Variants in ANKRD6 observed in about 807,000 individuals in gnomAD.
ANKRD6 encodes ankyrin repeat domain-containing protein 6.
A neutral mutation model predicts 82.3 loss-of-function variants in ANKRD6; 56 were observed. The observed-to-expected ratio is 0.68, with a 90% CI of 0.55 to 0.85. ANKRD6 has a LOEUF of 0.85. Among genes scored for constraint, ANKRD6 ranks in the 40% least tolerant of loss-of-function variants. The pLI, the probability that ANKRD6 is intolerant of heterozygous loss-of-function variation, is 0.00. For synonymous variants in ANKRD6, 347 were observed against 352.1 expected (o/e 0.99, Z 0.16); for missense variants, 852 against 907.6 (o/e 0.94, Z 0.79).
At chr6:89,629,280 G>T in intron 15 of ANKRD6, 42 bp downstream of exon 15, 3 of 1,611,592 alleles carry the variant, frequency 1.9e-6, no homozygotes, top group South Asian at 2.2e-5. Context: ...AAAGGAACAC[G>T]ACCAGCAGCT....
intron 15 of ANKRD6, 81 bp from the exon 16 acceptor site, chr6:89,630,350 TAA>T: frequency 1.3e-6 from 2 of 1,488,160 alleles, no homozygotes; most frequent in Non-Finnish European, 1.8e-6. Flanking sequence ...ACAGGATCCT[TAA>T]GACTCTAAAA....
chr6:89,520,081 A>T (rs1781707861), intron 1 of ANKRD6, among the ~76,000 whole-genome samples: 1 of 152,036 alleles, frequency 6.6e-6, no homozygotes, highest in Non-Finnish European at 1.5e-5. Flanking sequence ...CTCACCCTCC[A>T]GGCTCGATCC....
intron 1 of ANKRD6, among the ~76,000 whole-genome samples, chr6:89,466,040 C>T (rs993399625): frequency 6.6e-6 from 1 of 152,194 alleles, no homozygotes; most frequent in East Asian, 1.9e-4. Context: ...TCTTTCTACC[C>T]ATAGGTAACC....
intron 1 of ANKRD6, among the ~76,000 whole-genome samples, chr6:89,536,752 G>A (rs538355995): frequency 2.0e-5 from 3 of 152,306 alleles, no homozygotes; most frequent in Admixed American, 6.5e-5. Context: ...CAGCAGGCTG[G>A]TGGGTCCTTT....
intron 1 of ANKRD6, among the ~76,000 whole-genome samples, chr6:89,438,855 C>G (rs1041018309): frequency 6.6e-6 from 1 of 152,154 alleles, no homozygotes; most frequent in Non-Finnish European, 1.5e-5. Context: ...ATTGGCCAGT[C>G]TGATTTCGAA....
At chr6:89,540,062 T>C (rs1344929468) in intron 1 of ANKRD6, among the ~76,000 whole-genome samples, 1 of 152,222 alleles carries the variant, frequency 6.6e-6, no homozygotes, top group Admixed American at 6.5e-5. Flanking sequence ...CTTCCAAATC[T>C]TAGCTATTAT....
chr6:89,592,747 A>G (rs756287179), intron 2 of ANKRD6, among the ~76,000 whole-genome samples: 10 of 152,120 alleles, frequency 6.6e-5, no homozygotes, highest in Non-Finnish European at 1.2e-4. Flanking sequence ...GGAGGTACTC[A>G]TGCATCTGGG....
At position 89,498,449 on chromosome 6, in the gene ANKRD6, G is replaced by A. The variant is rs188932667; in HGVS notation, c.-144+65074G>A. Among the ~76,000 whole-genome samples the A allele has an allele frequency of 2.6e-3, 391 of 152,038 alleles. 1 individual carries two copies. The highest frequency in any genetic ancestry group is 6.8e-3 in the Middle Eastern group (2 of 294). On this transcript the variant is annotated intron_variant, in intron 1 of 15. Coordinates refer to ENST00000339746, the MANE Select transcript of ANKRD6 (RefSeq NM_001242809.2). ...ATGTATAAATCTTATATATCTGCTA[G>A]GTCTGTAATATATAATTATAGTACT...
At position 89,616,482 on chromosome 6, in the gene ANKRD6, C is replaced by G. The variant is rs1399205640; in HGVS notation, c.616-77C>G. ...TCAGTTTGACTTTGAAGAGCCACAC[C>G]TAGGCCAGGTAATGAAAAGCTGGGG... On this transcript the variant is annotated intron_variant, in intron 7 of 15. Coordinates refer to ENST00000339746, the MANE Select transcript of ANKRD6 (RefSeq NM_001242809.2). 3 of 1,397,296 alleles carry G rather than the reference C, an allele frequency of 2.1e-6. No individual in the cohort carries two copies. The African/African-American group carries it at 4.3e-5, about 20-fold the overall frequency. 86.6% of individuals were successfully genotyped at this position (1,397,296 alleles called of 1,614,324 possible). A position where few individuals can be genotyped will look rare whatever the true frequency, so the allele number is the denominator to read the frequency against.
At chr6:89,517,289 ATAAT>A (rs1562698434) in intron 1 of ANKRD6, among the ~76,000 whole-genome samples, 1 of 152,246 alleles carries the variant, frequency 6.6e-6, no homozygotes, top group Non-Finnish European at 1.5e-5. Flanking sequence ...TAGTAGTTTA[ATAAT>A]TTTATTGCAT....
intron 1 of ANKRD6, among the ~76,000 whole-genome samples, chr6:89,542,704 G>A (rs189908747): frequency 9.2e-5 from 14 of 152,290 alleles, no homozygotes; most frequent in Admixed American, 2.0e-4. Context: ...AGAGTAGGAC[G>A]TTGTCTTTTA....
downstream of ANKRD6, chr6:89,633,829 G>C (rs1220879875): frequency 6.6e-6 from 1 of 152,218 alleles, no homozygotes; most frequent in African/African-American, 2.4e-5. Flanking sequence ...AAATGCAAGT[G>C]TGAATACTTT....
At chr6:89,562,148 G>A (rs769709014) in intron 1 of ANKRD6, among the ~76,000 whole-genome samples, 3 of 152,182 alleles carry the variant, frequency 2.0e-5, no homozygotes, top group African/African-American at 7.2e-5. Context: ...TGGAGCACAC[G>A]CTTACAAGTT....
chr6:89,623,779 T>C (rs1157397066), intron 11 of ANKRD6, 93 bp from the exon 12 acceptor site: 1 of 1,407,708 alleles, frequency 7.1e-7, no homozygotes, highest in Non-Finnish European at 9.6e-7. Context: ...AGTGGGGCTC[T>C]TTGCCCAAAT....
chr6:89,509,940 T>A (rs1780334707), intron 1 of ANKRD6, among the ~76,000 whole-genome samples: 1 of 152,238 alleles, frequency 6.6e-6, no homozygotes, highest in Admixed American at 6.5e-5. Context: ...TAGCGCTGTT[T>A]ACTGGCTTTT....
At chr6:89,580,400 G>A (rs576058289) in intron 2 of ANKRD6, among the ~76,000 whole-genome samples, 1 of 152,046 alleles carries the variant, frequency 6.6e-6, no homozygotes, top group African/African-American at 2.4e-5. Flanking sequence ...AATGCAAAGA[G>A]TTCAATTGTA....
intron 1 of ANKRD6, among the ~76,000 whole-genome samples, chr6:89,511,175 T>A (rs1195649859): frequency 6.6e-6 from 1 of 152,210 alleles, no homozygotes; most frequent in Non-Finnish European, 1.5e-5. Flanking sequence ...TCTTCCTCCG[T>A]AGACTCTTCC....
intron 1 of ANKRD6, among the ~76,000 whole-genome samples, chr6:89,556,789 C>G (rs1369689361): frequency 6.6e-6 from 1 of 152,218 alleles, no homozygotes; most frequent in Non-Finnish European, 1.5e-5. Context: ...TGTGCATTAT[C>G]TCATTCAATC....
intron 1 of ANKRD6, among the ~76,000 whole-genome samples, chr6:89,531,472 T>G (rs927741887): frequency 5.2e-5 from 8 of 152,384 alleles, no homozygotes; most frequent in Non-Finnish European, 1.2e-4. Flanking sequence ...CCATTTCTGC[T>G]TCTCTGCATT....
Sources: allele counts gnomAD v4.1 joint callset (sites outside exome capture counted in the v4.1 genomes callset), GRCh38; gene constraint gnomAD v4.1.1; transcripts MANE v1.5; gene names NCBI Gene and HGNC (gene_info 2026-07-23, HGNC 2026-07-21).